Variants in NUP188 observed in about 807,000 individuals in gnomAD.
NUP188 encodes nucleoporin 188.
NUP188 carries 97 observed loss-of-function variants against 223.0 expected under a neutral mutation model. That is an observed-to-expected ratio of 0.43 (90% CI 0.37 to 0.51). NUP188 has a LOEUF of 0.51. Among genes scored for constraint, NUP188 ranks in the 20% least tolerant of loss-of-function variants. The pLI is 0.00. For synonymous variants in NUP188, 869 were observed against 828.0 expected (o/e 1.05, Z -0.85); for missense variants, 1,947 against 2,175.6 (o/e 0.89, Z 2.09).
chr9:128,960,727 A>G (rs916942068), intron 8 of NUP188, among the ~76,000 whole-genome samples: 2 of 152,210 alleles, frequency 1.3e-5, no homozygotes, highest in Non-Finnish European at 2.9e-5. Flanking sequence ...AGGCAGGCAG[A>G]TTACTTTAGG....
At chr9:128,978,661 TATAAATAA>T (rs1023979522) in intron 12 of NUP188, among the ~76,000 whole-genome samples, 17 of 151,292 alleles carry the variant, frequency 1.1e-4, no homozygotes, top group African/African-American at 4.1e-4. Context: ...TGTCTTTAAA[TATAAATAA>T]ATAAATAAGT....
chr9:128,970,881 G>C lies in NUP188; in HGVS notation c.1036G>C (p.Gly346Arg). 1.2e-6 allele frequency: 2 copies of C among 1,614,124 alleles called. No individual in the cohort carries two copies. Among genetic ancestry groups the C allele is most frequent in the Non-Finnish European group, 1.7e-6 (2 of 1,180,014 alleles). Residue 346 changes from glycine to arginine, a missense_variant, in exon 11 of 44, where the codon GGT becomes CGT. By Grantham distance (125) the Gly-to-Arg change is moderately radical. Coordinates refer to ENST00000372577, the MANE Select transcript of NUP188 (RefSeq NM_015354.3). The stretch of plus-strand genomic sequence containing the variant: ...GACAAGCAGTGTGGTCCGGAAGATA[G>C]GTGGCACAGCCATCCAGCTGAATGT... ...EETSSVVRKI[G>R]GTAIQLNVFQ...
chr9:129,001,159 G>A (rs28561848), intron 34 of NUP188, among the ~76,000 whole-genome samples: 56,363 of 151,944 alleles, frequency 0.37, 10,729 homozygotes, highest in Admixed American at 0.41. Flanking sequence ...TAGCAGAGCA[G>A]GAGGTGGCAT....
intron 37 of NUP188, 131 bp downstream of exon 37, chr9:129,003,106 G>A (rs1842704090): frequency 2.6e-6 from 3 of 1,133,544 alleles, no homozygotes; most frequent in Non-Finnish European, 2.5e-6. Flanking sequence ...TTTTTGAGAT[G>A]CTCTAAGTAC....
chr9:128,996,047 T>C (rs1842519465), intron 30 of NUP188, among the ~76,000 whole-genome samples: 1 of 152,134 alleles, frequency 6.6e-6, no homozygotes, highest in Non-Finnish European at 1.5e-5. Context: ...AGATAACATC[T>C]GGAAGAAATG....
At chr9:128,956,320 T>G (rs762179226) in intron 3 of NUP188, 30 bp from the exon 4 acceptor site, 1 of 1,353,846 alleles carries the variant, frequency 7.4e-7, no homozygotes, top group Admixed American at 2.3e-5. Flanking sequence ...CTATTGAGAA[T>G]GAAGAAATGA....
At position 129,001,733 on chromosome 9, in the gene NUP188, G is replaced by C. The variant is rs1842673104; in HGVS notation, c.4044+4G>C. The C allele has an allele frequency of 1.2e-6, 2 of 1,613,110 alleles. No homozygotes were observed. Among genetic ancestry groups the C allele is most frequent in the Non-Finnish European group, 1.7e-6 (2 of 1,179,696 alleles). The stretch of plus-strand genomic sequence containing the variant: ...CACCCTGGCTCGCACTCAGCAGGTA[G>C]GAGGCCAGCCCGAAGGCAGGAGGGA... On this transcript the variant is annotated splice_donor_region_variant and intron_variant, in intron 35 of 43. Transcript: ENST00000372577.
chr9:128,963,804 C>T (rs1588272878), intron 8 of NUP188, among the ~76,000 whole-genome samples: 2 of 148,226 alleles, frequency 1.3e-5, no homozygotes, highest in South Asian at 4.2e-4. Flanking sequence ...CCATGCCTGT[C>T]TTATTGTGGG....
rs760490874 is a variant in NUP188, at chr9:128,958,041, C to A, written c.359C>A (p.Ala120Asp). The A allele has an allele frequency of 1.2e-5, 19 of 1,612,674 alleles. No individual in the cohort carries two copies. The highest frequency in any genetic ancestry group is 1.5e-5 in the Non-Finnish European group (18 of 1,179,240). The change falls in exon 6 of 44, where the codon GCC becomes GAC. Residue 120 changes from alanine (A) to aspartate (D), a missense_variant. Physicochemically the swap from Ala to Asp is moderately radical, Grantham distance 126 (BLOSUM62 -2). Around this residue, in one of 3 missense-constraint regions of NUP188, gnomAD observed 817 missense variants for 865.8 expected, o/e 0.94. Coordinates refer to ENST00000372577, the MANE Select transcript of NUP188 (RefSeq NM_015354.3). ...TVLQDERQSQ[A>D]LILKIADYYY... ...CTGCAAGATGAGAGGCAGAGCCAGG[C>A]CTTAATCCTGAAGGTCAGTAGTAGT...
chr9:129,005,219 C>G lies in NUP188; in HGVS notation c.4507C>G (p.Gln1503Glu), dbSNP rs1420005693. ...HSRKMLQHYL[Q>E]NKNGDGLPSA... Reference sequence around the variant, plus strand: ...TCGAAAGATGCTGCAGCATTACTTACAGGTAAGCGTCCTATGCCATGAGGT... The same window carrying G: ...TCGAAAGATGCTGCAGCATTACTTAGAGGTAAGCGTCCTATGCCATGAGGT... Residue 1503 changes from glutamine (Q) to glutamate (E), a missense_variant and splice_region_variant, in exon 39 of 44, where the codon CAG (glutamine) becomes GAG (glutamate). Around this residue, in one of 3 missense-constraint regions of NUP188, gnomAD observed 905 missense variants for 990.6 expected, o/e 0.91. Transcript: ENST00000372577. The G allele has an allele frequency of 6.2e-7, 1 of 1,614,020 alleles. No homozygotes were observed. Among genetic ancestry groups the G allele is most frequent in the South Asian group, 1.1e-5 (1 of 91,086 alleles).
intron 38 of NUP188, chr9:129,003,690 G>C: frequency 6.6e-6 from 4 of 607,648 alleles, no homozygotes; most frequent in Non-Finnish European, 1.2e-5. Context: ...TCTTGGTTCA[G>C]ATCCCTTAAG....
At chr9:128,975,226 CTT>C (rs540828761) in intron 12 of NUP188, among the ~76,000 whole-genome samples, 4 of 131,836 alleles carry the variant, frequency 3.0e-5, no homozygotes, top group Non-Finnish European at 4.8e-5. Context: ...TTTTCTTTTC[CTT>C]TTTTTTTTTT....
rs563951264 is a variant in NUP188, at chr9:129,004,793, G to A, written c.4435-354G>A. 1.9e-4 allele frequency: 47 copies of A among 253,230 alleles called. 1 individual carries two copies. The South Asian group carries it at 2.5e-3, about 13-fold the overall frequency. The allele number at this position is 253,230 out of a possible 1,614,324, so 15.7% of individuals were successfully genotyped here. A position where few individuals can be genotyped will look rare whatever the true frequency, so the allele number is the denominator to read the frequency against. ...GCTGGGATTACAGGCATGAGCCACC[G>A]CACCCGGCCTCATCTTCTTTACTTT... On this transcript the variant is annotated intron_variant, in intron 38 of 43. Coordinates refer to ENST00000372577, the MANE Select transcript of NUP188 (RefSeq NM_015354.3).
chr9:128,962,322 C>G (rs1461040006), intron 8 of NUP188, among the ~76,000 whole-genome samples: 1 of 150,140 alleles, frequency 6.7e-6, no homozygotes, highest in African/African-American at 2.5e-5. Context: ...GATCTCGGCT[C>G]TCTGCAAGCT....
In NUP188 at chr9:128,984,884, C is replaced by G. The variant is rs753681093; in HGVS notation, c.1962-16C>G. Reference sequence around the variant, plus strand: ...AATTTCCCTATCATTTTTTTTCCCTCTACTTCTTTTTCCAGTGCGGAAGGG... The same window carrying G: ...AATTTCCCTATCATTTTTTTTCCCTGTACTTCTTTTTCCAGTGCGGAAGGG... On this transcript the variant is annotated splice_polypyrimidine_tract_variant and intron_variant, in intron 19 of 43. Coordinates refer to ENST00000372577, the MANE Select transcript of NUP188 (RefSeq NM_015354.3). 1 of 1,547,220 alleles carries G rather than the reference C, an allele frequency of 6.5e-7. No homozygotes were observed. The highest frequency in any genetic ancestry group is 1.2e-5 in the South Asian group (1 of 84,996).
At chr9:129,006,410 C>T (rs780042553) in intron 43 of NUP188, 42 bp downstream of exon 43, 56 of 1,613,792 alleles carry the variant, frequency 3.5e-5, no homozygotes, top group Non-Finnish European at 4.6e-5. Context: ...CCAATAGGGC[C>T]AGAGCCCTGT....
At chr9:128,975,519 G>A (rs1275617414) in intron 12 of NUP188, among the ~76,000 whole-genome samples, 4 of 151,494 alleles carry the variant, frequency 2.6e-5, no homozygotes, top group African/African-American at 9.7e-5. Flanking sequence ...ACCGCGCCTG[G>A]CCTTATTTAT....
chr9:128,957,631 A>AT (rs1188217459), intron 5 of NUP188, among the ~76,000 whole-genome samples: 2 of 151,770 alleles, frequency 1.3e-5, no homozygotes, highest in Non-Finnish European at 2.9e-5. Flanking sequence ...CGCCCGGCTA[A>AT]TTTTTTGTGT....
In NUP188 at chr9:128,949,171, T is replaced by C; in HGVS notation, c.33-18T>C. ...TGATCAGAAAGAGCAAAATTACCTC[T>C]GTTCTCTCATTTTGCAGGAGCAGTA... On this transcript the variant is annotated intron_variant, in intron 1 of 43. Transcript: ENST00000372577. The C allele has an allele frequency of 6.2e-7, 1 of 1,603,394 alleles. No homozygotes were observed. Among genetic ancestry groups the C allele is most frequent in the Non-Finnish European group, 8.5e-7 (1 of 1,171,238 alleles).
Sources: gnomAD v4.1 joint callset for allele counts (sites outside exome capture counted in the v4.1 genomes callset) on GRCh38, gnomAD v4.1.1 for gene constraint, gnomAD v4.1.1 regional missense constraint, MANE v1.5 for transcripts, NCBI Gene and HGNC (gene_info 2026-07-23, HGNC 2026-07-21) for gene names.